The following PCDHA4 variants were observed in gnomAD, a reference collection of about 807,000 sequenced individuals.
The protein encoded by PCDHA4 is protocadherin alpha-4.
A neutral mutation model predicts 61.4 loss-of-function variants in PCDHA4; 49 were observed. That is an observed-to-expected ratio of 0.80 (90% CI 0.63 to 1.01). The LOEUF (loss-of-function observed/expected upper bound fraction) is 1.01, where lower values mean the gene tolerates loss of function less well. Among genes scored for constraint, PCDHA4 ranks in the 50% least tolerant of loss-of-function variants. The pLI is 0.00. For synonymous variants in PCDHA4, 590 were observed against 550.3 expected, an observed-to-expected ratio of 1.07 and a Z score of -1.01; for missense variants, 1,254 against 1,235.8, an observed-to-expected ratio of 1.01 and a Z score of -0.22.
intron 1 of PCDHA4, chr5:140,841,278 T>G: frequency 1.3e-6 from 2 of 1,521,566 alleles, no homozygotes; most frequent in South Asian, 1.3e-5. Flanking sequence ...GTCGTTCATC[T>G]TTATATTAAG....
intron 1 of PCDHA4, chr5:140,835,456 C>T: frequency 6.2e-7 from 1 of 1,613,924 alleles, no homozygotes; most frequent in East Asian, 2.2e-5. Context: ...CTGTCTCTCC[C>T]TATTCCAGAG....
chr5:140,963,543 T>C (rs1390082859), intron 1 of PCDHA4, among the ~76,000 whole-genome samples: 2 of 152,238 alleles, frequency 1.3e-5, no homozygotes, highest in East Asian at 1.9e-4. Flanking sequence ...TACTTCATGA[T>C]ATAAAAAGGG....
intron 1 of PCDHA4, chr5:140,877,402 C>T: frequency 6.2e-7 from 1 of 1,613,934 alleles, no homozygotes; most frequent in African/African-American, 1.3e-5. Flanking sequence ...GGACGCTCCG[C>T]GCCACCGCCT....
In PCDHA4 at chr5:140,819,267, T is replaced by C. The variant is rs114370260; in HGVS notation, c.2385+9695T>C. On this transcript the variant is annotated intron_variant, in intron 1 of 3. Transcript: ENST00000530339. ...CAATCTGGTATATCTATATAATTTCTATAGATAAGAGAAGAAAAATATAGC... is the reference window on the plus strand; with the variant it reads ...CAATCTGGTATATCTATATAATTTCCATAGATAAGAGAAGAAAAATATAGC... Among the ~76,000 whole-genome samples, 735 of 152,302 alleles carry C rather than the reference T, an allele frequency of 4.8e-3. 10 individuals carry two copies. The highest frequency in any genetic ancestry group is 0.017 in the African/African-American group (707 of 41,588).
At chr5:140,863,308 G>A (rs782229195) in intron 1 of PCDHA4, 4 of 1,462,176 alleles carry the variant, frequency 2.7e-6, no homozygotes, top group Non-Finnish European at 3.7e-6. Context: ...CGCCATCTGC[G>A]TGGTGTCCAG....
chr5:140,842,784 C>A (rs1285950480), intron 1 of PCDHA4: 4 of 1,594,370 alleles, frequency 2.5e-6, no homozygotes, highest in Non-Finnish European at 3.4e-6. Context: ...CAGGAGAACG[C>A]GCTGGTGTCC....
chr5:140,903,271 A>T (rs193242810), intron 1 of PCDHA4, among the ~76,000 whole-genome samples: 58 of 152,326 alleles, frequency 3.8e-4, no homozygotes, highest in African/African-American at 1.3e-3. Flanking sequence ...GGAGTGAGGT[A>T]GTGTCTCATT....
At position 140,967,486 on chromosome 5, in the gene PCDHA4, G is replaced by A. The variant is rs782309199; in HGVS notation, c.2386-11463G>A. The A allele has an allele frequency of 2.5e-6, 4 of 1,612,986 alleles. No individual in the cohort carries two copies. The African/African-American group carries it at 4.0e-5, about 16-fold the overall frequency. ...GGGGCATCCCAGCCCGCTCGGGTAC[G>A]GCACAGATCTCTGTGCGTGTCCTGG... On this transcript the variant is annotated intron_variant, in intron 1 of 3. Coordinates refer to ENST00000530339, the MANE Select transcript of PCDHA4 (RefSeq NM_018907.4).
At chr5:140,828,094 G>A in intron 1 of PCDHA4, 2 of 1,600,150 alleles carry the variant, frequency 1.2e-6, no homozygotes, top group Non-Finnish European at 1.7e-6. Context: ...TATTTGACAT[G>A]GTGTTTACCC....
Position 140,807,531 on chromosome 5 carries a change from A to G in PCDHA4, c.344A>G (p.Gln115Arg). The change falls in exon 1 of 4, where the codon CAG becomes CGG. Residue 115 changes from glutamine to arginine, a missense_variant. Physicochemically the swap from Gln to Arg is conservative, Grantham distance 43. Transcript: ENST00000530339. ...HLEVIVDRPL[Q>R]VFHVDVEVRD... ...GAGGTGATCGTAGACAGGCCGCTGC[A>G]GGTTTTCCATGTGGACGTGGAGGTG... The G allele has an allele frequency of 1.2e-6, 2 of 1,614,140 alleles. No homozygotes were observed. The highest frequency in any genetic ancestry group is 1.7e-6 in the Non-Finnish European group (2 of 1,179,998).
Position 140,858,257 on chromosome 5 carries a change from C to CTG in PCDHA4, c.2385+48686_2385+48687dup, listed in dbSNP as rs1554151340. 2 of 1,596,552 alleles carry CTG rather than the reference C, an allele frequency of 1.3e-6. 1 individual carries two copies. Among genetic ancestry groups the CTG allele is most frequent in the African/African-American group, 2.7e-5 (2 of 74,280 alleles). ...CGCATGTGGGCCGGTGAAGCCCACGCTGGTGTGCTCTAGCGCGGTGGGGAG... is the reference window on the plus strand; with the variant it reads ...CGCATGTGGGCCGGTGAAGCCCACGCTGTGGTGTGCTCTAGCGCGGTGGGGAG... On this transcript the variant is annotated intron_variant, in intron 1 of 3. Coordinates refer to ENST00000530339, the MANE Select transcript of PCDHA4 (RefSeq NM_018907.4).
At chr5:140,857,704 G>T in intron 1 of PCDHA4, 1 of 1,597,424 alleles carries the variant, frequency 6.3e-7, no homozygotes, top group Admixed American at 1.7e-5. Flanking sequence ...CGCTGCAGGT[G>T]TTCGTGCTGG....
chr5:140,883,453 C>T (rs138388360), intron 1 of PCDHA4: 46 of 1,614,168 alleles, frequency 2.8e-5, no homozygotes, highest in Non-Finnish European at 3.9e-5. Context: ...ATGTCCCCTT[C>T]AAGCTGGTGT....
intron 1 of PCDHA4, 98 bp downstream of exon 1, chr5:140,809,670 A>G (rs1387118800): frequency 6.9e-7 from 1 of 1,443,610 alleles, no homozygotes; most frequent in Non-Finnish European, 9.3e-7. Flanking sequence ...CCTGGGTTAA[A>G]ATTTTACCTC....
chr5:140,809,346 C>A lies in PCDHA4; in HGVS notation c.2159C>A (p.Ala720Glu). Residue 720 changes from alanine (A) to glutamate (E), a missense_variant, in exon 1 of 4, where the codon GCG becomes GAG. By Grantham distance (107) the Ala-to-Glu change is moderately radical (BLOSUM62 -1). Coordinates refer to ENST00000530339, the MANE Select transcript of PCDHA4 (RefSeq NM_018907.4). Reference protein sequence around the residue: ...LLVLTLLLYTALRCSALPTEG... With the variant: ...LLVLTLLLYTELRCSALPTEG... Reference sequence around the variant, plus strand: ...GTGCTCACGCTGCTGCTGTACACCGCGCTGCGGTGCTCTGCGCTGCCCACC... The same window carrying A: ...GTGCTCACGCTGCTGCTGTACACCGAGCTGCGGTGCTCTGCGCTGCCCACC... 6.2e-7 allele frequency: 1 copy of A among 1,614,048 alleles called. No homozygotes were observed. Among genetic ancestry groups the A allele is most frequent in the South Asian group, 1.1e-5 (1 of 91,086 alleles).
At position 140,808,044 on chromosome 5, in the gene PCDHA4, C is replaced by T. The variant is rs781791401; in HGVS notation, c.857C>T (p.Ser286Leu). The T allele has an allele frequency of 3.1e-6, 5 of 1,613,854 alleles. No individual in the cohort carries two copies. The highest frequency in any genetic ancestry group is 4.2e-6 in the Non-Finnish European group (5 of 1,179,822). The change falls in exon 1 of 4, where the codon TCG (serine) becomes TTG (leucine). Residue 286 changes from serine to leucine, a missense_variant. By Grantham distance (145) the Ser-to-Leu change is moderately radical. Transcript: ENST00000530339. ...DIVYSFSNDISPNVKSKFHID... is the reference protein window; with the variant it reads ...DIVYSFSNDILPNVKSKFHID... ...GTTTATTCATTCTCAAATGATATTT[C>T]GCCAAATGTGAAATCCAAGTTTCAC...
intron 1 of PCDHA4, chr5:140,969,289 G>C: frequency 6.2e-7 from 1 of 1,614,208 alleles, no homozygotes; most frequent in Non-Finnish European, 8.5e-7. Context: ...AGAATGCTGG[G>C]AACCTGATTA....
At position 140,808,681 on chromosome 5, in the gene PCDHA4, G is replaced by T. The variant is rs577718830; in HGVS notation, c.1494G>T (p.Arg498=). ...TGTCCTACTCGCTGGTAGAGCGGCG[G>T]GTAGGGGAGCGCGCGCTGTCGAGCT... is the stretch of plus-strand genomic sequence containing the variant. ...ALVSYSLVER[R]VGERALSSYV... The change falls in exon 1 of 4, where the codon CGG becomes CGT. Residue 498 remains arginine (R), a synonymous_variant. Coordinates refer to ENST00000530339, the MANE Select transcript of PCDHA4 (RefSeq NM_018907.4). 1.7e-5 allele frequency: 28 copies of T among 1,612,602 alleles called. No individual in the cohort carries two copies. Among genetic ancestry groups the T allele is most frequent in the Non-Finnish European group, 2.4e-5 (28 of 1,179,830 alleles).
intron 1 of PCDHA4, among the ~76,000 whole-genome samples, chr5:140,844,310 T>G (rs1779318452): frequency 6.7e-6 from 1 of 149,666 alleles, no homozygotes. Context: ...TTTCATATTC[T>G]TCCTAATTTT....
Sources: allele counts gnomAD v4.1 joint callset (sites outside exome capture counted in the v4.1 genomes callset), GRCh38; gene constraint gnomAD v4.1.1; transcripts MANE v1.5; gene names NCBI Gene and HGNC (gene_info 2026-07-23, HGNC 2026-07-21).